Variants in ATXN10 observed in about 807,000 individuals in gnomAD.
ATXN10 encodes ataxin 10, also known as ataxin-10.
Under a neutral mutation model 52.9 loss-of-function variants are expected in ATXN10, and 28 were observed. The observed-to-expected ratio is 0.53, with a 90% CI of 0.39 to 0.73. The LOEUF (loss-of-function observed/expected upper bound fraction) is 0.73. ATXN10 is among the 30% of genes least tolerant of loss of function. The pLI, the probability that ATXN10 is intolerant of heterozygous loss-of-function variation, is 0.00. For synonymous variants in ATXN10, 226 were observed against 221.5 expected (o/e 1.02, Z -0.18); for missense variants, 565 against 577.0 (o/e 0.98, Z 0.21).
At chr22:45,697,858 C>T (rs965508309) in intron 3 of ATXN10, among the ~76,000 whole-genome samples, 2 of 151,800 alleles carry the variant, frequency 1.3e-5, no homozygotes, top group Non-Finnish European at 2.9e-5. Flanking sequence ...TCTCGATCTC[C>T]TGACCTTGTG....
At chr22:45,836,813 C>T (rs1243057910) in intron 10 of ATXN10, among the ~76,000 whole-genome samples, 7 of 152,294 alleles carry the variant, frequency 4.6e-5, no homozygotes, top group South Asian at 2.1e-4. Flanking sequence ...TACCATGGTC[C>T]GAGAAGATAT....
At chr22:45,751,624 A>G (rs911656034) in intron 9 of ATXN10, among the ~76,000 whole-genome samples, 1 of 151,882 alleles carries the variant, frequency 6.6e-6, no homozygotes, top group Non-Finnish European at 1.5e-5. Flanking sequence ...ACATATCTCA[A>G]TCTAATGAAA....
chr22:45,672,848 T>G (rs1922524961), intron 1 of ATXN10: 1 of 152,294 alleles, frequency 6.6e-6, no homozygotes, highest in Admixed American at 6.5e-5. Flanking sequence ...TGCGTGTTAC[T>G]GTGCAGTTTC....
At chr22:45,675,849 G>A (rs777430480) in intron 1 of ATXN10, 22 of 152,138 alleles carry the variant, frequency 1.4e-4, no homozygotes, top group Admixed American at 3.3e-4. Flanking sequence ...ACAGTGTCTT[G>A]GTCACTAAAA....
intron 9 of ATXN10, among the ~76,000 whole-genome samples, chr22:45,767,049 A>G (rs527982843): frequency 6.6e-6 from 1 of 152,232 alleles, no homozygotes; most frequent in Non-Finnish European, 1.5e-5. Context: ...CCGTCTTCGT[A>G]GATAGGAATT....
chr22:45,698,125 A>G (rs948032994), intron 3 of ATXN10, among the ~76,000 whole-genome samples: 10 of 152,110 alleles, frequency 6.6e-5, no homozygotes, highest in East Asian at 3.9e-4. Flanking sequence ...GGTACATCCA[A>G]TTGTTTATCT....
intron 9 of ATXN10, among the ~76,000 whole-genome samples, chr22:45,767,441 A>G (rs1438570396): frequency 6.6e-6 from 1 of 151,790 alleles, no homozygotes; most frequent in Non-Finnish European, 1.5e-5. Context: ...ATACATACAC[A>G]CACACACACA....
rs61315673 is a variant in ATXN10 at position 45,732,574 on chromosome 22, CTTT to C, written c.894+2997_894+2999del. ...TGCGTATTAATGCACATATGTCATA[CTTT>C]TTTTTTTTTTTTAAAAGAGGACCAC... On this transcript the variant is annotated intron_variant, in intron 7 of 11. Transcript: ENST00000252934. This position sits in a 1 kb window ranked among gnomAD's most constrained non-coding sequence, Gnocchi z 4.5. Among the ~76,000 whole-genome samples the C allele has an allele frequency of 6.9e-6, 1 of 144,032 alleles. No homozygotes were observed. The allele number at this position is 144,032 out of a possible 152,430, so 94.5% of individuals were successfully genotyped here. A position where few individuals can be genotyped will look rare whatever the true frequency, so the allele number is the denominator to read the frequency against.
intron 9 of ATXN10, among the ~76,000 whole-genome samples, chr22:45,740,994 TG>T (rs1925512432): frequency 6.6e-6 from 1 of 152,156 alleles, no homozygotes; most frequent in South Asian, 2.1e-4. Flanking sequence ...CCTAGTAGGC[TG>T]CTTTTAGAAA....
At chr22:45,747,027 C>T (rs897800278) in intron 9 of ATXN10, among the ~76,000 whole-genome samples, 2 of 152,138 alleles carry the variant, frequency 1.3e-5, no homozygotes, top group African/African-American at 2.4e-5. Flanking sequence ...GTTATACCAC[C>T]GTTACCACCA....
Position 45,678,169 on chromosome 22 carries a change from T to A in ATXN10, c.116+5990T>A, listed in dbSNP as rs1432050246. 1 of 152,166 alleles carries A rather than the reference T, an allele frequency of 6.6e-6. No individual in the cohort carries two copies. 9.4% of individuals were successfully genotyped at this position (152,166 alleles called of 1,614,324 possible). The stretch of plus-strand genomic sequence containing the variant: ...AGTAGAGGTGATAGTTGTACAACAT[T>A]GTGAATATAATTAAAGCCATTGAAC... On this transcript the variant is annotated intron_variant, in intron 1 of 11. Transcript: ENST00000252934. This position sits in a 1 kb window ranked among gnomAD's most constrained non-coding sequence, Gnocchi z 4.1.
At chr22:45,695,612 G>A (rs1160848037) in intron 3 of ATXN10, among the ~76,000 whole-genome samples, 1 of 151,620 alleles carries the variant, frequency 6.6e-6, no homozygotes, top group East Asian at 2.0e-4. Flanking sequence ...TCCTGCCTCA[G>A]CCTCCCGAGT....
At chr22:45,710,385 A>G (rs1282190923) in intron 5 of ATXN10, among the ~76,000 whole-genome samples, 4 of 152,160 alleles carry the variant, frequency 2.6e-5, no homozygotes, top group Non-Finnish European at 4.4e-5. Flanking sequence ...TCAAATATCT[A>G]TCATTTCGAC....
intron 4 of ATXN10, among the ~76,000 whole-genome samples, chr22:45,700,588 G>C (rs1490578987): frequency 6.6e-6 from 1 of 152,096 alleles, no homozygotes; most frequent in South Asian, 2.1e-4. Context: ...GACCTTGGTG[G>C]TGGTTACATG....
intron 9 of ATXN10, among the ~76,000 whole-genome samples, chr22:45,748,522 A>AT (rs1387788457): frequency 6.6e-6 from 1 of 152,114 alleles, no homozygotes; most frequent in Non-Finnish European, 1.5e-5. Flanking sequence ...AATTTCTCTT[A>AT]TGTTATTATC....
At chr22:45,687,759 C>T (rs1422852047) in intron 1 of ATXN10, among the ~76,000 whole-genome samples, 1 of 152,142 alleles carries the variant, frequency 6.6e-6, no homozygotes, top group Non-Finnish European at 1.5e-5. Flanking sequence ...TTAAAGCTAC[C>T]TTAAGAATGT....
chr22:45,695,246 C>T (rs931413083), intron 3 of ATXN10, among the ~76,000 whole-genome samples: 1 of 150,386 alleles, frequency 6.6e-6, no homozygotes, highest in African/African-American at 2.4e-5. Context: ...ATGGCATGCA[C>T]CCAGGAGGCA....
intron 9 of ATXN10, among the ~76,000 whole-genome samples, chr22:45,753,501 G>A (rs370365498): frequency 1.0e-3 from 145 of 142,024 alleles, no homozygotes; most frequent in African/African-American, 3.6e-3. Context: ...CGCCTCCCGG[G>A]ATTAAGCGAT....
At chr22:45,675,580 T>G (rs943804391) in intron 1 of ATXN10, 1 of 152,336 alleles carries the variant, frequency 6.6e-6, no homozygotes, top group Non-Finnish European at 1.5e-5. Flanking sequence ...AGCTGTGTGG[T>G]GAGGAGCTGA....
Sources: gnomAD v4.1 joint callset for allele counts (sites outside exome capture counted in the v4.1 genomes callset) on GRCh38, gnomAD v4.1.1 for gene constraint, Gnocchi (gnomAD v3.1) non-coding constraint, MANE v1.5 for transcripts, NCBI Gene and HGNC (gene_info 2026-07-23, HGNC 2026-07-21) for gene names.